The following DLGAP2 variants were observed in gnomAD, a reference collection of about 807,000 sequenced individuals.
DLGAP2 encodes the protein disks large-associated protein 2.
DLGAP2 carries 26 observed loss-of-function variants against 100.3 expected under a neutral mutation model. The ratio of observed to expected loss-of-function variants is 0.26; its 90% CI spans 0.19 to 0.36. DLGAP2 has a LOEUF of 0.36. Among genes scored for constraint, DLGAP2 ranks in the 10% least tolerant of loss-of-function variants. The pLI is 1.00. For synonymous variants in DLGAP2, 886 were observed against 630.1 expected, an observed-to-expected ratio of 1.41 and a Z score of -6.08; for missense variants, 1,858 against 1,453.2, an observed-to-expected ratio of 1.28 and a Z score of -4.53.
intron 3 of DLGAP2, among the ~76,000 whole-genome samples, chr8:1,295,753 G>A (rs1375155580): frequency 6.6e-6 from 1 of 152,244 alleles, no homozygotes; most frequent in Non-Finnish European, 1.5e-5. Flanking sequence ...GCCGGGCAGG[G>A]GAGCTGTGGG....
At chr8:993,946 T>A (rs1459048816) in intron 2 of DLGAP2, among the ~76,000 whole-genome samples, 1 of 152,118 alleles carries the variant, frequency 6.6e-6, no homozygotes, top group Non-Finnish European at 1.5e-5. Flanking sequence ...TTTCCCTTTT[T>A]GGTTTGTAAT....
intron 3 of DLGAP2, among the ~76,000 whole-genome samples, chr8:1,417,675 C>T (rs1796955331): frequency 6.7e-6 from 1 of 150,370 alleles, no homozygotes; most frequent in Non-Finnish European, 1.5e-5. Flanking sequence ...CTCCGCGAGG[C>T]TCCAGGGGGG....
At chr8:1,228,471 T>C (rs1798467945) in intron 2 of DLGAP2, among the ~76,000 whole-genome samples, 1 of 152,218 alleles carries the variant, frequency 6.6e-6, no homozygotes, top group Non-Finnish European at 1.5e-5. Flanking sequence ...AGCCGATATT[T>C]GTCTGATACT....
intron 1 of DLGAP2, among the ~76,000 whole-genome samples, chr8:765,356 A>T (rs574528183): frequency 6.6e-6 from 1 of 152,338 alleles, no homozygotes; most frequent in South Asian, 2.1e-4. Context: ...TAGTTTTTTA[A>T]TAATATCCTT....
intron 2 of DLGAP2, among the ~76,000 whole-genome samples, chr8:1,234,729 C>T (rs1798606892): frequency 6.6e-6 from 1 of 152,200 alleles, no homozygotes; most frequent in African/African-American, 2.4e-5. Context: ...TTGCACGTCA[C>T]ACCCTTTCTG....
At chr8:1,548,105 G>T (rs1801604256) in intron 4 of DLGAP2, among the ~76,000 whole-genome samples, 1 of 152,102 alleles carries the variant, frequency 6.6e-6, no homozygotes, top group Non-Finnish European at 1.5e-5. Flanking sequence ...GCTAAATCTT[G>T]GTCATTAACC....
chr8:1,097,657 C>T (rs866446017), intron 2 of DLGAP2, among the ~76,000 whole-genome samples: 83 of 111,146 alleles, frequency 7.5e-4, no homozygotes, highest in African/African-American at 2.8e-3. Flanking sequence ...GCTGGGAGCC[C>T]GGGGCAGGCC....
intron 4 of DLGAP2, among the ~76,000 whole-genome samples, chr8:1,525,237 T>G (rs1456611466): frequency 1.3e-5 from 2 of 151,000 alleles, no homozygotes; most frequent in African/African-American, 4.9e-5. Context: ...GTTGAAACTT[T>G]TGGGGAGCAA....
chr8:767,517 C>T (rs894480516), intron 1 of DLGAP2, among the ~76,000 whole-genome samples: 15 of 152,056 alleles, frequency 9.9e-5, no homozygotes, highest in East Asian at 7.7e-4. Context: ...GCACCCTGCC[C>T]GGCTAATTTT....
chr8:901,285 C>T (rs1459870642), intron 1 of DLGAP2, among the ~76,000 whole-genome samples: 1 of 152,222 alleles, frequency 6.6e-6, no homozygotes, highest in African/African-American at 2.4e-5. Flanking sequence ...GAGCAAGACC[C>T]TGTCTCATAC....
intron 3 of DLGAP2, among the ~76,000 whole-genome samples, chr8:1,454,742 G>C (rs1798257009): frequency 6.6e-6 from 1 of 152,184 alleles, no homozygotes; most frequent in African/African-American, 2.4e-5. Context: ...AAGGTCATGA[G>C]CAGCATCCTA....
chr8:960,144 C>T (rs1207981453), intron 2 of DLGAP2, among the ~76,000 whole-genome samples: 2 of 151,434 alleles, frequency 1.3e-5, no homozygotes, highest in Non-Finnish European at 2.9e-5. Context: ...GGCCCAGTTC[C>T]CCTCATATGG....
intron 1 of DLGAP2, among the ~76,000 whole-genome samples, chr8:906,681 T>C (rs1019962044): frequency 6.6e-6 from 1 of 152,194 alleles, no homozygotes; most frequent in South Asian, 2.1e-4. Flanking sequence ...CCTGACCCCA[T>C]GGTTATCACA....
At chr8:1,472,384 G>A (rs1211557357) in intron 3 of DLGAP2, among the ~76,000 whole-genome samples, 1 of 152,226 alleles carries the variant, frequency 6.6e-6, no homozygotes, top group Non-Finnish European at 1.5e-5. Context: ...GGCCCTTGCA[G>A]TTGGTTTTGT....
chr8:1,490,057 A>AT (rs142682116), intron 3 of DLGAP2, among the ~76,000 whole-genome samples: 7,720 of 151,018 alleles, frequency 0.051, 679 homozygotes, highest in African/African-American at 0.18. Flanking sequence ...GCACCCGGCT[A>AT]TTTTTTTTGC....
intron 2 of DLGAP2, among the ~76,000 whole-genome samples, chr8:1,144,568 A>C (rs1796573922): frequency 6.6e-6 from 1 of 152,222 alleles, no homozygotes; most frequent in Non-Finnish European, 1.5e-5. Context: ...AAGCTACAGG[A>C]AATAAACGCT....
chr8:989,548 G>A (rs1169478072), intron 2 of DLGAP2, among the ~76,000 whole-genome samples: 1 of 152,114 alleles, frequency 6.6e-6, no homozygotes, highest in African/African-American at 2.4e-5. Flanking sequence ...CACATGTCAT[G>A]TGTGATTGTG....
At chr8:1,639,618 AATGGT>A (rs1797849398) in intron 8 of DLGAP2, among the ~76,000 whole-genome samples, 8 of 152,160 alleles carry the variant, frequency 5.3e-5, no homozygotes, top group East Asian at 1.9e-4. Context: ...CAGCTGTAAA[AATGGT>A]CACAAGCCCT....
intron 3 of DLGAP2, among the ~76,000 whole-genome samples, chr8:1,468,463 C>T (rs908710547): frequency 6.6e-6 from 1 of 151,540 alleles, no homozygotes; most frequent in Non-Finnish European, 1.5e-5. Flanking sequence ...AGAACCTCCC[C>T]GGTTCACATC....
Sources: allele counts gnomAD v4.1 joint callset (sites outside exome capture counted in the v4.1 genomes callset), GRCh38; gene constraint gnomAD v4.1.1; transcripts MANE v1.5; gene names NCBI Gene and HGNC (gene_info 2026-07-23, HGNC 2026-07-21).